The following PDE3B variants were observed in gnomAD, a reference collection of about 807,000 sequenced individuals.
The protein encoded by PDE3B is cGMP-inhibited 3',5'-cyclic phosphodiesterase 3B.
Under a neutral mutation model 116.8 loss-of-function variants are expected in PDE3B, and 66 were observed. The observed-to-expected ratio is 0.56, with a 90% confidence interval of 0.46 to 0.69. The LOEUF (loss-of-function observed/expected upper bound fraction) is 0.69, where lower values mean the gene tolerates loss of function less well. Among genes scored for constraint, PDE3B ranks in the 30% least tolerant of loss-of-function variants. PDE3B has a pLI of 0.00. For missense variants in PDE3B, 1,384 were observed against 1,368.1 expected, an observed-to-expected ratio of 1.01 and a Z score of -0.18; for synonymous variants, 595 against 533.6, an observed-to-expected ratio of 1.12 and a Z score of -1.59.
intron 11 of PDE3B, among the ~76,000 whole-genome samples, chr11:14,842,646 A>T (rs1444428281): frequency 2.6e-5 from 4 of 152,192 alleles, no homozygotes; most frequent in Admixed American, 6.5e-5. Context: ...GGCTGAGGGC[A>T]GGTCAATTGA....
intron 1 of PDE3B, among the ~76,000 whole-genome samples, chr11:14,670,065 A>G (rs1282561743): frequency 6.6e-6 from 1 of 152,192 alleles, no homozygotes; most frequent in Non-Finnish European, 1.5e-5. Context: ...TTTGTGCCTT[A>G]GCATAGTTAT....
intron 1 of PDE3B, among the ~76,000 whole-genome samples, chr11:14,667,232 A>G (rs1854188959): frequency 1.3e-5 from 2 of 151,454 alleles, no homozygotes; most frequent in Admixed American, 1.3e-4. Flanking sequence ...GGAATTGAAC[A>G]ATGAGAACAC....
chr11:14,773,172 G>A (rs1857693601), intron 2 of PDE3B: 1 of 151,858 alleles, frequency 6.6e-6, no homozygotes, highest in African/African-American at 2.4e-5. Context: ...AGTTATGAGT[G>A]GGTATATAAT....
chr11:14,814,418 T>G (rs986288940), intron 5 of PDE3B, among the ~76,000 whole-genome samples: 1 of 152,160 alleles, frequency 6.6e-6, no homozygotes, highest in African/African-American at 2.4e-5. Context: ...ATATTTTAAT[T>G]GTACAGAAAA....
chr11:14,885,867 A>G, the PDE3B span: 2 of 1,613,666 alleles, frequency 1.2e-6, no homozygotes, highest in Non-Finnish European at 1.7e-6. Flanking sequence ...TTACTACATC[A>G]TAGCCATTTA....
At chr11:14,664,268 T>A (rs1381393236) in intron 1 of PDE3B, among the ~76,000 whole-genome samples, 8 of 150,976 alleles carry the variant, frequency 5.3e-5, no homozygotes, top group Non-Finnish European at 8.9e-5. Flanking sequence ...TTCAAAGCAG[T>A]GTGTAGAGGG....
In PDE3B at chr11:14,655,669, G is replaced by A. The variant is rs143868018; in HGVS notation, c.978+10616G>A. Reference sequence around the variant, plus strand: ...AGCACCTCATTGTGGAAGGCAAATAGTGATCAGTTTTTCGGGGGAGTGTAT... The same window carrying A: ...AGCACCTCATTGTGGAAGGCAAATAATGATCAGTTTTTCGGGGGAGTGTAT... On this transcript the variant is annotated intron_variant, in intron 1 of 15. Coordinates refer to ENST00000282096, the MANE Select transcript of PDE3B (RefSeq NM_000922.4). Among the ~76,000 whole-genome samples, 75 of 152,282 alleles carry A rather than the reference G, an allele frequency of 4.9e-4. 1 individual carries two copies. The highest frequency in any genetic ancestry group is 2.1e-3 in the South Asian group (10 of 4,828).
At chr11:14,783,879 C>T (rs182101717) in intron 2 of PDE3B, among the ~76,000 whole-genome samples, 1 of 152,284 alleles carries the variant, frequency 6.6e-6, no homozygotes, top group Admixed American at 6.5e-5. Flanking sequence ...CCAGGCGTCA[C>T]CAACCAGTAC....
At chr11:14,789,274 A>G (rs1281669079) in intron 4 of PDE3B, 32 bp downstream of exon 4, 1 of 1,535,952 alleles carries the variant, frequency 6.5e-7, no homozygotes, top group South Asian at 1.2e-5. Flanking sequence ...AAGAAACTTG[A>G]ATCAAATGCA....
intron 5 of PDE3B, among the ~76,000 whole-genome samples, chr11:14,817,498 C>G (rs374001757): frequency 6.6e-6 from 1 of 152,038 alleles, no homozygotes; most frequent in African/African-American, 2.4e-5. Context: ...GCTTGTAATC[C>G]CAGCATTTTG....
intron 1 of PDE3B, among the ~76,000 whole-genome samples, chr11:14,755,168 C>T (rs1174944137): frequency 6.6e-6 from 1 of 152,166 alleles, no homozygotes; most frequent in Non-Finnish European, 1.5e-5. Flanking sequence ...GTTTGAGTCA[C>T]AAGTAATGTC....
the PDE3B span, among the ~76,000 whole-genome samples, chr11:14,878,643 G>A: frequency 1.3e-5 from 2 of 152,120 alleles, no homozygotes; most frequent in Non-Finnish European, 2.9e-5. Flanking sequence ...AACTAAGTGT[G>A]TATTCTTCTC....
chr11:14,860,917 A>G (rs1847936434), intron 13 of PDE3B, among the ~76,000 whole-genome samples: 1 of 113,560 alleles, frequency 8.8e-6, no homozygotes, highest in Non-Finnish European at 2.1e-5. Context: ...ATATATATAT[A>G]TATACACACA....
rs1860010902 is a variant in PDE3B at position 14,835,010 on chromosome 11, G to A, written c.2235G>A (p.Val745=). Reference sequence around the variant, plus strand: ...ACAATCGTATACATGCCACAGATGTGCTACATGCAGTTTGGTATCTGACAA... The same window carrying A: ...ACAATCGTATACATGCCACAGATGTACTACATGCAGTTTGGTATCTGACAA... ...PYHNRIHATD[V]LHAVWYLTTR... is the part of the protein sequence containing the mutation. Residue 745 remains valine, a synonymous_variant, in exon 11 of 16, where the codon GTG becomes GTA. Coordinates refer to ENST00000282096, the MANE Select transcript of PDE3B (RefSeq NM_000922.4). 1 of 1,612,676 alleles carries A rather than the reference G, an allele frequency of 6.2e-7. No individual in the cohort carries two copies. Among genetic ancestry groups the A allele is most frequent in the African/African-American group, 1.3e-5 (1 of 74,898 alleles).
intron 5 of PDE3B, among the ~76,000 whole-genome samples, chr11:14,808,379 T>TA (rs1461275271): frequency 2.6e-5 from 4 of 152,176 alleles, no homozygotes; most frequent in African/African-American, 9.6e-5. Flanking sequence ...TCAAGAAAAA[T>TA]ATGTGAAACA....
the PDE3B span, chr11:14,891,595 G>C: frequency 9.4e-7 from 1 of 1,058,788 alleles, no homozygotes; most frequent in East Asian, 9.1e-5. Flanking sequence ...AGCTTCCACA[G>C]AGCTGCGAGG....
chr11:14,658,168 C>T (rs1853772448), intron 1 of PDE3B, among the ~76,000 whole-genome samples: 1 of 152,072 alleles, frequency 6.6e-6, no homozygotes, highest in Admixed American at 6.6e-5. Context: ...TCAGGTAAGT[C>T]ACTATCCTCC....
intron 1 of PDE3B, among the ~76,000 whole-genome samples, chr11:14,655,024 A>G (rs1445975550): frequency 1.3e-5 from 2 of 152,216 alleles, no homozygotes; most frequent in East Asian, 3.8e-4. Context: ...ATAAATCTAG[A>G]TACTACCACG....
chr11:14,880,150 T>TG, the PDE3B span: 1 of 1,612,634 alleles, frequency 6.2e-7, no homozygotes, highest in Non-Finnish European at 8.5e-7. Flanking sequence ...AATATTAGGA[T>TG]AAAGGGCCAT....
Sources: allele counts gnomAD v4.1 joint callset (sites outside exome capture counted in the v4.1 genomes callset), GRCh38; gene constraint gnomAD v4.1.1; transcripts MANE v1.5; gene names NCBI Gene and HGNC (gene_info 2026-07-23, HGNC 2026-07-21).